Variants in BRINP1 observed in about 807,000 individuals in gnomAD.
The protein encoded by BRINP1 is BMP/retinoic acid inducible neural specific 1.
Under a neutral mutation model 72.9 loss-of-function variants are expected in BRINP1, and 17 were observed. That is an observed-to-expected ratio of 0.23 (90% CI 0.16 to 0.35). The LOEUF (loss-of-function observed/expected upper bound fraction) is 0.35. BRINP1 is among the 10% of genes least tolerant of loss of function. The pLI, the probability that BRINP1 is intolerant of heterozygous loss-of-function variation, is 1.00. For synonymous variants in BRINP1, 418 were observed against 378.5 expected (o/e 1.10, Z -1.21); for missense variants, 850 against 1,001.6 (o/e 0.85, Z 2.04).
chr9:119,349,649 C>T (rs1232722051), intron 1 of BRINP1, among the ~76,000 whole-genome samples: 2 of 152,162 alleles, frequency 1.3e-5, no homozygotes, highest in South Asian at 2.1e-4. Context: ...AGTTCTATTT[C>T]AGCCCCTCAA....
At position 119,286,179 on chromosome 9, in the gene BRINP1, A is replaced by T. The variant is rs147379787; in HGVS notation, c.218+26959T>A. On this transcript the variant is annotated intron_variant, in intron 2 of 7. Coordinates refer to ENST00000265922, the MANE Select transcript of BRINP1 (RefSeq NM_014618.3). ...ATTACCAGCAACTTTTTCCACTATG[A>T]ACAATATATGATCTGCATAGCTGAG... is the stretch of plus-strand genomic sequence containing the variant. 5.8e-3 allele frequency among the ~76,000 whole-genome samples: 885 copies of T among 152,218 alleles called. 14 individuals carry two copies. The highest frequency in any genetic ancestry group is 0.02 in the African/African-American group (830 of 41,526).
intron 1 of BRINP1, among the ~76,000 whole-genome samples, chr9:119,342,299 T>A (rs548118086): frequency 6.6e-6 from 1 of 152,308 alleles, no homozygotes; most frequent in South Asian, 2.1e-4. Context: ...GTGGACTGAT[T>A]CAAAGAGAAA....
At chr9:119,351,957 C>A (rs1056047687) in intron 1 of BRINP1, among the ~76,000 whole-genome samples, 1 of 152,006 alleles carries the variant, frequency 6.6e-6, no homozygotes, top group Non-Finnish European at 1.5e-5. Context: ...AGGCATCCAC[C>A]ACCATGCCCA....
intron 2 of BRINP1, among the ~76,000 whole-genome samples, chr9:119,256,036 C>A (rs980638710): frequency 6.7e-6 from 1 of 149,238 alleles, no homozygotes; most frequent in Non-Finnish European, 1.5e-5. Context: ...TGTATTCATT[C>A]CTGGATATCC....
chr9:119,309,216 C>T (rs1831034499), intron 2 of BRINP1, among the ~76,000 whole-genome samples: 1 of 152,184 alleles, frequency 6.6e-6, no homozygotes, highest in African/African-American at 2.4e-5. Context: ...CATTTAATAT[C>T]ATCTCAGTTT....
In BRINP1 at chr9:119,171,016, G is replaced by A. The variant is rs1176355066; in HGVS notation, c.1146-2792C>T. Among the ~76,000 whole-genome samples, 378 of 145,114 alleles carry A rather than the reference G, an allele frequency of 2.6e-3. 5 individuals carry two copies. The highest frequency in any genetic ancestry group is 9.3e-3 in the African/African-American group (335 of 36,112). On this transcript the variant is annotated intron_variant, in intron 7 of 7. Coordinates refer to ENST00000265922, the MANE Select transcript of BRINP1 (RefSeq NM_014618.3). The stretch of plus-strand genomic sequence containing the variant: ...TGGAAAGGAACAACCGGTACCAGCC[G>A]CTGCAAAATCATGCCAAAATGTAAA...
intron 7 of BRINP1, among the ~76,000 whole-genome samples, chr9:119,185,140 C>T (rs1829603125): frequency 6.6e-6 from 1 of 152,082 alleles, no homozygotes; most frequent in African/African-American, 2.4e-5. Context: ...GGGATTATAT[C>T]ATAACTGGAA....
At chr9:119,365,005 A>T (rs1372424609) in intron 1 of BRINP1, among the ~76,000 whole-genome samples, 3 of 152,244 alleles carry the variant, frequency 2.0e-5, no homozygotes, top group African/African-American at 7.2e-5. Flanking sequence ...GCAAACATTT[A>T]TAAAGCAACT....
intron 2 of BRINP1, among the ~76,000 whole-genome samples, chr9:119,257,356 A>G (rs529707129): frequency 6.6e-6 from 1 of 152,346 alleles, no homozygotes; most frequent in East Asian, 1.9e-4. Context: ...TACACGATTC[A>G]TACAATAAGC....
At chr9:119,214,709 G>A (rs929856990) in intron 5 of BRINP1, among the ~76,000 whole-genome samples, 1 of 152,146 alleles carries the variant, frequency 6.6e-6, no homozygotes, top group South Asian at 2.1e-4. Context: ...AGAGCCATAT[G>A]AGGCAAATGA....
At chr9:119,366,807 A>C (rs1338026459) in intron 1 of BRINP1, among the ~76,000 whole-genome samples, 1 of 151,918 alleles carries the variant, frequency 6.6e-6, no homozygotes, top group East Asian at 2.0e-4. Flanking sequence ...CCTAGATTCT[A>C]GTCCTGGGCA....
intron 2 of BRINP1, among the ~76,000 whole-genome samples, chr9:119,250,763 C>T (rs1830379345): frequency 6.6e-6 from 1 of 152,114 alleles, no homozygotes. Context: ...GATGCAGCTC[C>T]CCCAGAATGA....
chr9:119,201,405 T>G (rs545573495), intron 7 of BRINP1, among the ~76,000 whole-genome samples: 1 of 152,312 alleles, frequency 6.6e-6, no homozygotes, highest in African/African-American at 2.4e-5. Context: ...TCAGAGATAA[T>G]TGAGTCTTGT....
At chr9:119,272,817 C>T (rs1830621888) in intron 2 of BRINP1, among the ~76,000 whole-genome samples, 1 of 152,202 alleles carries the variant, frequency 6.6e-6, no homozygotes, top group Non-Finnish European at 1.5e-5. Flanking sequence ...CTCTGTTATC[C>T]ATTCGATAAC....
chr9:119,345,071 A>G (rs1370585279), intron 1 of BRINP1, among the ~76,000 whole-genome samples: 1 of 152,216 alleles, frequency 6.6e-6, no homozygotes, highest in African/African-American at 2.4e-5. Context: ...AATCTCTGGG[A>G]ACAAGTGAAA....
At chr9:119,169,553 GA>G (rs1829374259) in intron 7 of BRINP1, among the ~76,000 whole-genome samples, 1 of 152,230 alleles carries the variant, frequency 6.6e-6, no homozygotes, top group African/African-American at 2.4e-5. Flanking sequence ...CGGGCTGGGG[GA>G]GGGGCGCCCG....
chr9:119,211,633 T>C (rs374491807), intron 6 of BRINP1, among the ~76,000 whole-genome samples: 3 of 152,200 alleles, frequency 2.0e-5, no homozygotes, highest in African/African-American at 7.2e-5. Context: ...GGCTTTTACT[T>C]TGGGCTGGTC....
At chr9:119,175,107 TAAAGTAAAGTA>T (rs1829466782) in intron 7 of BRINP1, among the ~76,000 whole-genome samples, 1 of 52,054 alleles carries the variant, frequency 1.9e-5, no homozygotes, top group South Asian at 6.6e-4. Flanking sequence ...CCCTAAAACT[TAAAGTAAAGTA>T]TAAAAAAAAA....
chr9:119,318,844 G>GGGGT (rs111313745), intron 1 of BRINP1, among the ~76,000 whole-genome samples: 3,290 of 142,206 alleles, frequency 0.023, 64 homozygotes, highest in African/African-American at 0.034. Flanking sequence ...AAATGTGTGG[G>GGGGT]GTGTGTGTGT....
Sources: allele counts gnomAD v4.1 joint callset (sites outside exome capture counted in the v4.1 genomes callset), GRCh38; gene constraint gnomAD v4.1.1; transcripts MANE v1.5; gene names NCBI Gene and HGNC (gene_info 2026-07-23, HGNC 2026-07-21).